The following SYT1 variants were observed in gnomAD, a reference collection of about 807,000 sequenced individuals.
The protein encoded by SYT1 is synaptotagmin 1, also known as synaptotagmin-1.
A neutral mutation model predicts 44.8 loss-of-function variants in SYT1; 8 were observed. The ratio of observed to expected loss-of-function variants is 0.18; its 90% CI spans 0.10 to 0.32. The LOEUF is 0.32. SYT1 is among the 10% of genes least tolerant of loss of function. SYT1 has a pLI of 1.00. For synonymous variants in SYT1, 154 were observed against 188.8 expected, an observed-to-expected ratio of 0.82 and a Z score of 1.51; for missense variants, 286 against 509.3, an observed-to-expected ratio of 0.56 and a Z score of 4.22.
At chr12:78,938,371 A>G (rs1209278060) in intron 1 of SYT1, among the ~76,000 whole-genome samples, 1 of 152,194 alleles carries the variant, frequency 6.6e-6, no homozygotes, top group East Asian at 1.9e-4. Flanking sequence ...GTAGTGGAAT[A>G]GAAATTGAGA....
At chr12:79,265,762 G>A (rs915855862) in intron 4 of SYT1, among the ~76,000 whole-genome samples, 1 of 152,120 alleles carries the variant, frequency 6.6e-6, no homozygotes, top group Non-Finnish European at 1.5e-5. Context: ...TCATGTGAAA[G>A]GGTCTCAGAA....
intron 4 of SYT1, among the ~76,000 whole-genome samples, chr12:79,252,085 G>A (rs1157696963): frequency 6.6e-6 from 1 of 152,020 alleles, no homozygotes; most frequent in Non-Finnish European, 1.5e-5. Context: ...TGACATGGTA[G>A]AGCATGTTAG....
chr12:78,956,766 G>C (rs1269103049), intron 1 of SYT1, among the ~76,000 whole-genome samples: 1 of 152,022 alleles, frequency 6.6e-6, no homozygotes, highest in Non-Finnish European at 1.5e-5. Context: ...TTTATTTCTT[G>C]ACATAAGTTC....
chr12:79,028,785 T>C (rs750996866), intron 2 of SYT1, among the ~76,000 whole-genome samples: 2 of 151,298 alleles, frequency 1.3e-5, no homozygotes, highest in African/African-American at 2.4e-5. Context: ...AGTATTATAG[T>C]TGTATAATTG....
chr12:79,268,159 C>T (rs1878230128), intron 4 of SYT1, among the ~76,000 whole-genome samples: 1 of 152,046 alleles, frequency 6.6e-6, no homozygotes. Context: ...TTTATCGAAG[C>T]ATAGATTGTG....
At chr12:79,192,781 G>A (rs537003857) in intron 3 of SYT1, among the ~76,000 whole-genome samples, 1 of 152,260 alleles carries the variant, frequency 6.6e-6, no homozygotes, top group Non-Finnish European at 1.5e-5. Context: ...TATGAGAGTT[G>A]AGTAATATGA....
intron 2 of SYT1, among the ~76,000 whole-genome samples, chr12:78,989,129 A>G (rs999108807): frequency 1.1e-4 from 17 of 152,128 alleles, no homozygotes; most frequent in Non-Finnish European, 1.5e-5. Context: ...GAAGACTCCA[A>G]CAGAAACGGG....
At chr12:79,040,908 A>C (rs1485722168) in intron 2 of SYT1, among the ~76,000 whole-genome samples, 30 of 149,908 alleles carry the variant, frequency 2.0e-4, no homozygotes, top group African/African-American at 7.1e-4. Context: ...TGTTTTTCTC[A>C]GGTTTGTCAA....
intron 8 of SYT1, among the ~76,000 whole-genome samples, chr12:79,332,715 T>C (rs1055980139): frequency 6.6e-6 from 1 of 152,220 alleles, no homozygotes; most frequent in African/African-American, 2.4e-5. Flanking sequence ...TAACCTGCTT[T>C]GTGAAGGAGG....
intron 3 of SYT1, among the ~76,000 whole-genome samples, chr12:79,088,572 G>A (rs1877546137): frequency 6.6e-6 from 1 of 152,008 alleles, no homozygotes; most frequent in Admixed American, 6.6e-5. Flanking sequence ...AGATTACAGA[G>A]GGATTTATAA....
intron 3 of SYT1, among the ~76,000 whole-genome samples, chr12:79,188,603 T>A (rs1474907988): frequency 6.6e-6 from 1 of 152,138 alleles, no homozygotes; most frequent in Non-Finnish European, 1.5e-5. Context: ...TAAATAAGGC[T>A]TTATTCTTTG....
At chr12:78,882,201 G>A (rs982397586) in intron 1 of SYT1, among the ~76,000 whole-genome samples, 8 of 151,824 alleles carry the variant, frequency 5.3e-5, no homozygotes, top group Admixed American at 1.3e-4. Flanking sequence ...ATGCATAGGC[G>A]ATTGACTGAA....
chr12:78,987,401 G>C (rs1869715603), intron 2 of SYT1, among the ~76,000 whole-genome samples: 1 of 151,996 alleles, frequency 6.6e-6, no homozygotes, highest in Admixed American at 6.6e-5. Flanking sequence ...AGACCTCGCA[G>C]GCTATGCCCA....
At chr12:79,094,366 A>T (rs1877982903) in intron 3 of SYT1, among the ~76,000 whole-genome samples, 1 of 151,866 alleles carries the variant, frequency 6.6e-6, no homozygotes, top group Non-Finnish European at 1.5e-5. Context: ...GTTTGTTACC[A>T]TATTTCTAGC....
chr12:79,108,653 C>T (rs1022143668), intron 3 of SYT1, among the ~76,000 whole-genome samples: 6 of 151,958 alleles, frequency 3.9e-5, no homozygotes, highest in East Asian at 1.9e-4. Flanking sequence ...TTAAAAAATT[C>T]TATAATACTA....
chr12:78,872,293 C>T (rs1873863284), intron 1 of SYT1, among the ~76,000 whole-genome samples: 1 of 151,732 alleles, frequency 6.6e-6, no homozygotes, highest in Non-Finnish European at 1.5e-5. Context: ...TTCTGAACCA[C>T]TCTTAGACAA....
chr12:79,232,774 G>T (rs1235590304), intron 4 of SYT1, among the ~76,000 whole-genome samples: 2 of 152,140 alleles, frequency 1.3e-5, no homozygotes, highest in Non-Finnish European at 2.9e-5. Context: ...TAGGTAGGCA[G>T]AATTATTATT....
chr12:79,202,633 C>G (rs985896558), intron 3 of SYT1, among the ~76,000 whole-genome samples: 4 of 152,164 alleles, frequency 2.6e-5, no homozygotes, highest in Admixed American at 1.3e-4. Flanking sequence ...TTCAAATATT[C>G]TTTCCAGTCC....
At chr12:79,206,468 CAGTGAT>C (rs1874134723) in intron 3 of SYT1, among the ~76,000 whole-genome samples, 1 of 151,980 alleles carries the variant, frequency 6.6e-6, no homozygotes, top group South Asian at 2.1e-4. Context: ...GCCTGGCAGA[CAGTGAT>C]AGTAAGATAC....
Sources: allele counts gnomAD v4.1 joint callset (sites outside exome capture counted in the v4.1 genomes callset), GRCh38; gene constraint gnomAD v4.1.1; transcripts MANE v1.5; gene names NCBI Gene and HGNC (gene_info 2026-07-23, HGNC 2026-07-21).